The following GALNT18 variants were observed in gnomAD, a reference collection of about 807,000 sequenced individuals.
The protein encoded by GALNT18 is GalNAc-transferase 18.
In GALNT18, 44 loss-of-function variants were observed where a neutral mutation model predicts 69.5. The ratio of observed to expected loss-of-function variants is 0.63; its 90% CI spans 0.50 to 0.81. The LOEUF (loss-of-function observed/expected upper bound fraction) is 0.81. GALNT18 is among the 40% of genes least tolerant of loss of function. GALNT18 has a pLI of 0.00. For missense variants in GALNT18, 715 were observed against 810.0 expected, an observed-to-expected ratio of 0.88 and a Z score of 1.42; for synonymous variants, 364 against 318.2, an observed-to-expected ratio of 1.14 and a Z score of -1.53.
intron 3 of GALNT18, among the ~76,000 whole-genome samples, chr11:11,394,812 C>T (rs1854286982): frequency 6.6e-6 from 1 of 152,220 alleles, no homozygotes; most frequent in Non-Finnish European, 1.5e-5. Flanking sequence ...TTCCTGACTA[C>T]ATCCTGGCTT....
intron 1 of GALNT18, among the ~76,000 whole-genome samples, chr11:11,460,487 C>A (rs1407648051): frequency 6.6e-6 from 1 of 152,194 alleles, no homozygotes; most frequent in Admixed American, 6.5e-5. Flanking sequence ...TCCAAGTTCT[C>A]CAAAGGTGCA....
intron 9 of GALNT18, among the ~76,000 whole-genome samples, chr11:11,326,684 G>GT (rs1849925838): frequency 6.6e-6 from 1 of 152,194 alleles, no homozygotes; most frequent in South Asian, 2.1e-4. Flanking sequence ...CCATGCCATG[G>GT]TACTCTGAAG....
At chr11:11,392,710 A>G (rs75429433) in intron 3 of GALNT18, among the ~76,000 whole-genome samples, 1 of 152,220 alleles carries the variant, frequency 6.6e-6, no homozygotes, top group African/African-American at 2.4e-5. Flanking sequence ...CATGGTGAAC[A>G]TGGGCTCACC....
At chr11:11,325,842 T>C (rs1331738461) in intron 9 of GALNT18, among the ~76,000 whole-genome samples, 1 of 152,130 alleles carries the variant, frequency 6.6e-6, no homozygotes. Flanking sequence ...CAGCCAGTAA[T>C]GTCACAGCAA....
At chr11:11,558,396 C>A (rs540707983) in intron 1 of GALNT18, among the ~76,000 whole-genome samples, 7 of 152,354 alleles carry the variant, frequency 4.6e-5, no homozygotes, top group Non-Finnish European at 1.0e-4. Flanking sequence ...AGTCCTACTG[C>A]TGAATGCTTG....
intron 2 of GALNT18, among the ~76,000 whole-genome samples, chr11:11,437,389 G>C (rs1241282912): frequency 6.6e-6 from 1 of 152,156 alleles, no homozygotes; most frequent in Non-Finnish European, 1.5e-5. Context: ...AGCCGGAATT[G>C]ATGGTCATGA....
chr11:11,549,211 G>A (rs1265129988), intron 1 of GALNT18, among the ~76,000 whole-genome samples: 1 of 152,224 alleles, frequency 6.6e-6, no homozygotes, highest in African/African-American at 2.4e-5. Context: ...CTCAGGTTGA[G>A]GATGACAGCA....
At chr11:11,368,013 G>A (rs1056183670) in intron 6 of GALNT18, among the ~76,000 whole-genome samples, 1 of 152,206 alleles carries the variant, frequency 6.6e-6, no homozygotes, top group African/African-American at 2.4e-5. Flanking sequence ...CTGCTGTGCT[G>A]CTGGACACCT....
rs1226460058 is a variant in GALNT18, at chr11:11,337,788, C to T, written c.1278+3031G>A. Among the ~76,000 whole-genome samples the T allele has an allele frequency of 6.6e-6, 1 of 151,972 alleles. No homozygotes were observed. The highest frequency in any genetic ancestry group is 1.5e-5 in the Non-Finnish European group (1 of 68,020). ...ATGGACGGTATGTAATGGGCAGTTC[C>T]CATAGTCCACGCAACGTATGCAGAC... is the stretch of plus-strand genomic sequence containing the variant. On this transcript the variant is annotated intron_variant, in intron 7 of 10. Coordinates refer to ENST00000227756, the MANE Select transcript of GALNT18 (RefSeq NM_198516.3). The surrounding 1 kb of genome is among the most constrained non-coding windows in gnomAD (Gnocchi z 4.9).
At chr11:11,559,720 G>C (rs1005104710) in intron 1 of GALNT18, among the ~76,000 whole-genome samples, 2 of 148,304 alleles carry the variant, frequency 1.3e-5, no homozygotes, top group Admixed American at 6.8e-5. Flanking sequence ...TGATGAGATA[G>C]GATGGAATGG....
chr11:11,520,262 TG>T (rs1454671424), intron 1 of GALNT18, among the ~76,000 whole-genome samples: 13 of 152,142 alleles, frequency 8.5e-5, no homozygotes, highest in Non-Finnish European at 1.5e-4. Context: ...ATTTTAAAGA[TG>T]GGAAAACTGA....
chr11:11,281,705 A>AAGCCC (rs562022233), intron 10 of GALNT18, among the ~76,000 whole-genome samples: 2 of 151,646 alleles, frequency 1.3e-5, no homozygotes, highest in Non-Finnish European at 2.9e-5. Context: ...GATGTTTCCC[A>AAGCCC]AGCCCAGCCC....
Position 11,448,803 on chromosome 11 carries a change from G to A in GALNT18, c.369C>T (p.Asn123=), listed in dbSNP as rs764261840. ...ALKQFQYYGY[N]AYLSDRLPLD... ...GGGGCAGGCGGTCGCTGAGGTAGGC[G>A]TTGTAGCCGTAGTACTGGAATTGCT... Residue 123 remains asparagine, a synonymous_variant, in exon 2 of 11, where the codon AAC becomes AAT. Coordinates refer to ENST00000227756, the MANE Select transcript of GALNT18 (RefSeq NM_198516.3). 14 of 1,612,762 alleles carry A rather than the reference G, an allele frequency of 8.7e-6. No homozygotes were observed. Among genetic ancestry groups the A allele is most frequent in the South Asian group, 7.7e-5 (7 of 91,052 alleles).
rs1389345499 is a variant in GALNT18 at position 11,541,350 on chromosome 11, C to A, written c.235+80009G>T. ...CTTCCTCAAACTCCACCTAGATCAC[C>A]ACCGTTATGATGATGATCTCCGCCT... On this transcript the variant is annotated intron_variant, in intron 1 of 10. Coordinates refer to ENST00000227756, the MANE Select transcript of GALNT18 (RefSeq NM_198516.3). This position sits in a 1 kb window ranked among gnomAD's most constrained non-coding sequence, Gnocchi z 4.8. Among the ~76,000 whole-genome samples the A allele has an allele frequency of 6.6e-6, 1 of 152,154 alleles. No individual in the cohort carries two copies. Among genetic ancestry groups the A allele is most frequent in the African/African-American group, 2.4e-5 (1 of 41,434 alleles).
chr11:11,478,467 G>C (rs1856448997), intron 1 of GALNT18, among the ~76,000 whole-genome samples: 2 of 152,330 alleles, frequency 1.3e-5, no homozygotes, highest in African/African-American at 4.8e-5. Flanking sequence ...AGCAGGATAA[G>C]GGACTCCCTG....
rs1185525153 is a variant in GALNT18, at chr11:11,415,921, G to C, written c.595+16700C>G. Among the ~76,000 whole-genome samples, 1 of 152,186 alleles carries C rather than the reference G, an allele frequency of 6.6e-6. No homozygotes were observed. The highest frequency in any genetic ancestry group is 1.5e-5 in the Non-Finnish European group (1 of 68,044). The stretch of plus-strand genomic sequence containing the variant: ...AGCAGCTGGGCACCTAAGACTGTGG[G>C]AACTCACTCCAGAAAGATTAAACAG... On this transcript the variant is annotated intron_variant, in intron 3 of 10. Coordinates refer to ENST00000227756, the MANE Select transcript of GALNT18 (RefSeq NM_198516.3). The surrounding 1 kb of genome is among the most constrained non-coding windows in gnomAD (Gnocchi z 4.1).
At chr11:11,482,661 T>C (rs1326854788) in intron 1 of GALNT18, among the ~76,000 whole-genome samples, 2 of 152,180 alleles carry the variant, frequency 1.3e-5, no homozygotes, top group African/African-American at 2.4e-5. Flanking sequence ...ATCAGAAACA[T>C]GGCTACTGAT....
At chr11:11,530,216 G>T (rs1436227775) in intron 1 of GALNT18, among the ~76,000 whole-genome samples, 1 of 152,208 alleles carries the variant, frequency 6.6e-6, no homozygotes, top group African/African-American at 2.4e-5. Flanking sequence ...CTCAGAGTGG[G>T]GAAGGGGCCC....
In GALNT18 at chr11:11,437,907, A is replaced by G. The variant is rs1305589925; in HGVS notation, c.429-5120T>C. On this transcript the variant is annotated intron_variant, in intron 2 of 10. Transcript: ENST00000227756. ...GGAGGTGGGGCCCACCTGACAAAGC[A>G]AGTGAGACGGTGGCACTCCAGGCAA... Among the ~76,000 whole-genome samples the G allele has an allele frequency of 3.3e-5, 5 of 152,094 alleles. No individual in the cohort carries two copies. In the East Asian group the frequency reaches 9.7e-4, roughly 29 times the overall value.
Sources: gnomAD v4.1 joint callset for allele counts (sites outside exome capture counted in the v4.1 genomes callset) on GRCh38, gnomAD v4.1.1 for gene constraint, Gnocchi (gnomAD v3.1) non-coding constraint, MANE v1.5 for transcripts, NCBI Gene and HGNC (gene_info 2026-07-23, HGNC 2026-07-21) for gene names.